The following RRP15 variants were observed in gnomAD, a reference collection of about 807,000 sequenced individuals.
RRP15 encodes RRP15-like protein.
In RRP15, 18 loss-of-function variants were observed where a neutral mutation model predicts 27.1. The ratio of observed to expected loss-of-function variants is 0.66; its 90% CI spans 0.46 to 0.98. The LOEUF is 0.98. RRP15 is among the 50% of genes least tolerant of loss of function. The probability of loss-of-function intolerance (pLI) is 0.00; values close to 1 mark genes in which losing one functional copy is unlikely to be tolerated. For missense variants in RRP15, 359 were observed against 337.8 expected (o/e 1.06, Z -0.49); for synonymous variants, 107 against 109.4 (o/e 0.98, Z 0.14).
At chr1:218,308,187 T>C (rs1255528095) in intron 4 of RRP15, among the ~76,000 whole-genome samples, 1 of 144,662 alleles carries the variant, frequency 6.9e-6, no homozygotes, top group Non-Finnish European at 1.5e-5. Flanking sequence ...TTCTCTTGCC[T>C]CAGCCTCCTG....
intron 4 of RRP15, among the ~76,000 whole-genome samples, chr1:218,315,048 T>C (rs1656066765): frequency 6.6e-6 from 1 of 151,380 alleles, no homozygotes; most frequent in Non-Finnish European, 1.5e-5. Context: ...TAGACAATAA[T>C]TTTTAATAGA....
chr1:218,299,274 A>G (rs1196865792), intron 1 of RRP15, among the ~76,000 whole-genome samples: 4 of 152,152 alleles, frequency 2.6e-5, no homozygotes, highest in Non-Finnish European at 2.9e-5. Context: ...CTTTAAGAAA[A>G]TAATAAAATA....
intron 1 of RRP15, among the ~76,000 whole-genome samples, chr1:218,285,796 C>T (rs1207819016): frequency 2.0e-5 from 3 of 151,526 alleles, no homozygotes; most frequent in African/African-American, 4.9e-5. Context: ...AAGAATGGGT[C>T]TCATAGGGTG....
chr1:218,328,211 A>C (rs1184317310), intron 4 of RRP15, among the ~76,000 whole-genome samples: 1 of 152,222 alleles, frequency 6.6e-6, no homozygotes, highest in Non-Finnish European at 1.5e-5. Flanking sequence ...ATTGAGTAAA[A>C]CGTTGTACTT....
chr1:218,318,699 G>A (rs1414285516), intron 4 of RRP15, among the ~76,000 whole-genome samples: 5 of 151,664 alleles, frequency 3.3e-5, no homozygotes, highest in Admixed American at 6.6e-5. Context: ...AATGTTTCGT[G>A]CTAGTGATGC....
chr1:218,327,246 C>A (rs940885271), intron 4 of RRP15, among the ~76,000 whole-genome samples: 1 of 152,120 alleles, frequency 6.6e-6, no homozygotes, highest in Non-Finnish European at 1.5e-5. Context: ...TTTCTTTCTA[C>A]GTGTGTCTTT....
rs990483155 is a variant in RRP15, at chr1:218,337,434, A to T, written c.*6343A>T. 1 of 152,330 alleles carries T rather than the reference A, an allele frequency of 6.6e-6. No individual in the cohort carries two copies. Among genetic ancestry groups the T allele is most frequent in the South Asian group, 2.1e-4 (1 of 4,826 alleles). The allele number at this position is 152,330 out of a possible 1,614,324, so 9.4% of individuals were successfully genotyped here. A position where few individuals can be genotyped will look rare whatever the true frequency, so the allele number is the denominator to read the frequency against. On this transcript the variant is annotated 3_prime_UTR_variant, in exon 5 of 5. Coordinates refer to ENST00000366932, the MANE Select transcript of RRP15 (RefSeq NM_016052.4). The stretch of plus-strand genomic sequence containing the variant: ...TTTTAATAGCAAGAAATTTTTTAAA[A>T]CTTACAAGTTCAGTGATATGAGGAC...
At chr1:218,298,434 T>A (rs1469404140) in intron 1 of RRP15, among the ~76,000 whole-genome samples, 1 of 152,186 alleles carries the variant, frequency 6.6e-6, no homozygotes, top group Non-Finnish European at 1.5e-5. Flanking sequence ...TAGATTTAGA[T>A]TTTTCCTTTG....
intron 4 of RRP15, among the ~76,000 whole-genome samples, chr1:218,318,015 G>C (rs1034554173): frequency 6.6e-6 from 1 of 151,906 alleles, no homozygotes; most frequent in African/African-American, 2.4e-5. Context: ...GATTACAGGC[G>C]TGAACTCCCA....
At chr1:218,307,405 C>A in intron 3 of RRP15, 26 bp from the exon 4 acceptor site, 1 of 1,579,712 alleles carries the variant, frequency 6.3e-7, no homozygotes, top group Non-Finnish European at 8.7e-7. Context: ...TTTAATACAT[C>A]ATTCTGGTCA....
chr1:218,314,956 C>CACTCCA (rs940453697), intron 4 of RRP15, among the ~76,000 whole-genome samples: 9 of 143,214 alleles, frequency 6.3e-5, no homozygotes, highest in Non-Finnish European at 1.3e-4. Flanking sequence ...TGCGCCACTG[C>CACTCCA]ACTCCAGCCT....
intron 1 of RRP15, among the ~76,000 whole-genome samples, chr1:218,286,580 C>T (rs1191688526): frequency 1.3e-5 from 2 of 152,166 alleles, no homozygotes; most frequent in African/African-American, 4.8e-5. Context: ...CTCAACCCTG[C>T]CCAAACCATT....
intron 1 of RRP15, among the ~76,000 whole-genome samples, chr1:218,299,543 A>C (rs1453994490): frequency 1.3e-5 from 2 of 152,122 alleles, no homozygotes; most frequent in Non-Finnish European, 2.9e-5. Flanking sequence ...AAAACATGAA[A>C]TCTGTGGCAA....
intron 4 of RRP15, among the ~76,000 whole-genome samples, chr1:218,315,761 T>G (rs1656081736): frequency 6.6e-6 from 1 of 151,966 alleles, no homozygotes; most frequent in African/African-American, 2.4e-5. Context: ...TGGCCAGGAT[T>G]TAGCTTTTAA....
chr1:218,305,572 AG>A (rs1351113012), intron 3 of RRP15, among the ~76,000 whole-genome samples: 1 of 152,192 alleles, frequency 6.6e-6, no homozygotes, highest in Non-Finnish European at 1.5e-5. Flanking sequence ...AAAGACAAAC[AG>A]GATATGGTGG....
intron 4 of RRP15, among the ~76,000 whole-genome samples, chr1:218,309,312 TA>T (rs1382865318): frequency 6.6e-6 from 1 of 152,236 alleles, no homozygotes; most frequent in Non-Finnish European, 1.5e-5. Flanking sequence ...GACTCCTTTT[TA>T]AAAATTTTGC....
At position 218,307,460 on chromosome 1, in the gene RRP15, A is replaced by G. The variant is rs987913740; in HGVS notation, c.533A>G (p.Gln178Arg). The G allele has an allele frequency of 3.1e-6, 5 of 1,613,806 alleles. No individual in the cohort carries two copies. Among genetic ancestry groups the G allele is most frequent in the Admixed American group, 3.3e-5 (2 of 60,004 alleles). ...GTGGTGCAATTATTTAATGCTGTTC[A>G]GAAACATCAAAAGAATGTTGATGAA... ...RGVVQLFNAV[Q>R]KHQKNVDEKV... is the part of the protein sequence containing the mutation. The change falls in exon 4 of 5, where the codon CAG (glutamine) becomes CGG (arginine). Residue 178 changes from glutamine (Q) to arginine (R), a missense_variant. Physicochemically the swap from Gln to Arg is conservative, Grantham distance 43. Transcript: ENST00000366932.
At chr1:218,316,823 C>T (rs1656096154) in intron 4 of RRP15, among the ~76,000 whole-genome samples, 4 of 152,072 alleles carry the variant, frequency 2.6e-5, no homozygotes, top group Non-Finnish European at 4.4e-5. Flanking sequence ...AGTTGGAAAC[C>T]AATTTGAAGG....
chr1:218,317,762 G>A (rs1185621402), intron 4 of RRP15, among the ~76,000 whole-genome samples: 1 of 142,858 alleles, frequency 7.0e-6, no homozygotes, highest in African/African-American at 2.6e-5. Flanking sequence ...TAAAGACAGG[G>A]TCTTGGTGTG....
Sources: allele counts gnomAD v4.1 joint callset (sites outside exome capture counted in the v4.1 genomes callset), GRCh38; gene constraint gnomAD v4.1.1; transcripts MANE v1.5; gene names NCBI Gene and HGNC (gene_info 2026-07-23, HGNC 2026-07-21).